Variants in PLA2G2A observed in about 807,000 individuals in gnomAD.
The protein encoded by PLA2G2A is phospholipase A2 group IIA.
PLA2G2A carries 6 observed loss-of-function variants against 11.2 expected under a neutral mutation model. The observed-to-expected ratio is 0.54, with a 90% CI of 0.29 to 1.06. The LOEUF (loss-of-function observed/expected upper bound fraction) is 1.06, where lower values mean the gene tolerates loss of function less well. PLA2G2A is among the 50% of genes least tolerant of loss of function. PLA2G2A has a pLI of 0.08. For synonymous variants in PLA2G2A, 69 were observed against 65.8 expected (o/e 1.05, Z -0.23); for missense variants, 133 against 177.1 (o/e 0.75, Z 1.41).
chr1:19,976,176 C>A (rs1042786102), intron 4 of PLA2G2A, among the ~76,000 whole-genome samples: 1 of 152,218 alleles, frequency 6.6e-6, no homozygotes, highest in African/African-American at 2.4e-5. Context: ...TGGTGTAAGC[C>A]AGGCAGGGTC....
exon 5 of PLA2G2A, chr1:19,975,730 G>A: frequency 1.9e-6 from 3 of 1,613,812 alleles, no homozygotes; most frequent in Non-Finnish European, 2.5e-6. Context: ...CCTCTGCAGT[G>A]TTTATTGGAA....
chr1:19,978,801 G>C lies in PLA2G2A; in HGVS notation c.-28C>G. The C allele has an allele frequency of 6.2e-7, 1 of 1,612,970 alleles. No homozygotes were observed. Among genetic ancestry groups the C allele is most frequent in the Non-Finnish European group, 8.5e-7 (1 of 1,178,944 alleles). ...TAAGAGTTCTTGGGTGACAAATGCA[G>C]ATGGACTGGCCTAGCTCCTCTGCTG... On this transcript the variant is annotated 5_prime_UTR_variant, in exon 2 of 5. The change creates a new upstream start codon in the 5' untranslated region. Transcript: ENST00000482011.
At chr1:19,980,052 C>T (rs1359906264), upstream of PLA2G2A, among the ~76,000 whole-genome samples, 3 of 152,154 alleles carry the variant, frequency 2.0e-5, no homozygotes, top group Admixed American at 1.3e-4. Flanking sequence ...GAAAAGAGGG[C>T]TTTTAGTGGT....
intron 2 of PLA2G2A, 56 bp from the exon 3 acceptor site, chr1:19,978,580 C>A: frequency 2.5e-6 from 4 of 1,604,900 alleles, no homozygotes; most frequent in Non-Finnish European, 3.4e-6. Context: ...TGCGCCCTCC[C>A]TCTCTGCCCC....
chr1:19,977,553 G>A (rs2046237719), intron 4 of PLA2G2A, among the ~76,000 whole-genome samples: 1 of 152,178 alleles, frequency 6.6e-6, no homozygotes, highest in South Asian at 2.1e-4. Context: ...TATTGCTTTA[G>A]GGCAAAACCT....
At chr1:19,977,668 C>A (rs1309118794) in intron 4 of PLA2G2A, among the ~76,000 whole-genome samples, 1 of 152,204 alleles carries the variant, frequency 6.6e-6, no homozygotes, top group Non-Finnish European at 1.5e-5. Context: ...CTGGGCAGTA[C>A]AGAATGGCTT....
At chr1:19,979,050 C>G in intron 1 of PLA2G2A, 171 bp from the exon 2 acceptor site, 4 of 545,680 alleles carry the variant, frequency 7.3e-6, no homozygotes, top group Non-Finnish European at 1.3e-5. Flanking sequence ...TCACACACAT[C>G]AGGCCCTCAG....
chr1:19,975,765 G>A (rs1167094245), exon 5 of PLA2G2A: 4 of 1,613,336 alleles, frequency 2.5e-6, no homozygotes, highest in Admixed American at 1.7e-5. Context: ...TTTATTGTAG[G>A]TCGTCTTGTT....
chr1:19,975,599 G>C (rs2046208277), downstream of PLA2G2A: 1 of 1,079,288 alleles, frequency 9.3e-7, no homozygotes, highest in Non-Finnish European at 1.4e-6. Context: ...GATGGGTGAG[G>C]GATGCTTTCT....
chr1:19,977,969 T>G (rs754951974), intron 4 of PLA2G2A, 46 bp downstream of exon 4: 1 of 1,118,678 alleles, frequency 8.9e-7, no homozygotes, highest in Non-Finnish European at 1.4e-6. Flanking sequence ...TCCCCAGCAC[T>G]GTCTAAACAA....
downstream of PLA2G2A, chr1:19,975,573 C>T: frequency 1.2e-6 from 1 of 857,166 alleles, no homozygotes; most frequent in Non-Finnish European, 2.0e-6. Context: ...TAGAAGGGCT[C>T]CTGCCTGGCC....
exon 4 of PLA2G2A, chr1:19,978,047 T>C: frequency 1.2e-6 from 2 of 1,613,386 alleles, no homozygotes; most frequent in Non-Finnish European, 1.7e-6. Context: ...GTTGCTAAAC[T>C]TGTAGCTCAG....
exon 2 of PLA2G2A, chr1:19,978,738 G>C (rs148271639): frequency 1.2e-6 from 2 of 1,614,024 alleles, no homozygotes; most frequent in East Asian, 2.2e-5. Context: ...TCTTACCAAA[G>C]ATCATGATCA....
intron 4 of PLA2G2A, among the ~76,000 whole-genome samples, chr1:19,976,923 G>A (rs906588612): frequency 6.6e-6 from 1 of 152,172 alleles, no homozygotes; most frequent in Non-Finnish European, 1.5e-5. Flanking sequence ...TTTTCATGGA[G>A]GACTCCCTGT....
chr1:19,979,049 T>C (rs2100419859), intron 1 of PLA2G2A, 170 bp from the exon 2 acceptor site: 2 of 544,340 alleles, frequency 3.7e-6, no homozygotes, highest in Non-Finnish European at 6.7e-6. Flanking sequence ...TTCACACACA[T>C]CAGGCCCTCA....
At chr1:19,975,470 C>T (rs189084413), downstream of PLA2G2A, 2,242 of 585,418 alleles carry the variant, frequency 3.8e-3, 14 homozygotes, top group Non-Finnish European at 3.6e-3. Flanking sequence ...AGAGACCCCC[C>T]GGAGTACAGC....
chr1:19,977,954 C>A, intron 4 of PLA2G2A, 61 bp downstream of exon 4: 1 of 985,034 alleles, frequency 1.0e-6, no homozygotes, highest in Non-Finnish European at 1.7e-6. Flanking sequence ...TGGTGCCCAG[C>A]ACAGTCCCCA....
chr1:19,977,214 T>TC (rs2046232433), intron 4 of PLA2G2A, among the ~76,000 whole-genome samples: 1 of 152,072 alleles, frequency 6.6e-6, no homozygotes. Flanking sequence ...GAACTGCTCC[T>TC]CCCCACCCTC....
At position 19,975,818 on chromosome 1, in the gene PLA2G2A, T is replaced by C. The variant is rs138131988; in HGVS notation, c.318A>G (p.Gln106=). The C allele has an allele frequency of 8.7e-5, 141 of 1,613,972 alleles. No individual in the cohort carries two copies. The African/African-American group carries it at 1.4e-3, about 16-fold the overall frequency. ...CAGCAGCCTTATCACACTCACACAGTTGACTTCTGCAGGAGTCCTGTTTTG... is the reference window on the plus strand; with the variant it reads ...CAGCAGCCTTATCACACTCACACAGCTGACTTCTGCAGGAGTCCTGTTTTG... Residue 106 remains glutamine (Q), a synonymous_variant, in exon 5 of 5, where the codon CAA becomes CAG. Coordinates refer to ENST00000482011, the Ensembl canonical transcript of PLA2G2A.
Sources: allele counts gnomAD v4.1 joint callset (sites outside exome capture counted in the v4.1 genomes callset), GRCh38; gene constraint gnomAD v4.1.1; transcripts MANE v1.5; gene names NCBI Gene and HGNC (gene_info 2026-07-23, HGNC 2026-07-21).